The following ORC4 variants were observed in gnomAD, a reference collection of about 807,000 sequenced individuals.
ORC4 encodes the protein origin recognition complex subunit 4.
A neutral mutation model predicts 63.9 loss-of-function variants in ORC4; 55 were observed. That is an observed-to-expected ratio of 0.86 (90% CI 0.69 to 1.08). ORC4 has a LOEUF of 1.08. Among genes scored for constraint, ORC4 ranks in the 50% least tolerant of loss-of-function variants. The probability of loss-of-function intolerance (pLI) is 0.00; values close to 1 mark genes in which losing one functional copy is unlikely to be tolerated. For synonymous variants in ORC4, 150 were observed against 168.5 expected (o/e 0.89, Z 0.85); for missense variants, 511 against 504.4 (o/e 1.01, Z -0.13).
chr2:147,935,795 AG>A, intron 13 of ORC4, 97 bp from the exon 14 acceptor site: 1 of 1,027,676 alleles, frequency 9.7e-7, no homozygotes, highest in East Asian at 2.4e-5. Flanking sequence ...GGTCAGCTGC[AG>A]AACAGAGTAC....
At chr2:148,000,690 C>T (rs758247076) in intron 1 of ORC4, among the ~76,000 whole-genome samples, 18 of 152,078 alleles carry the variant, frequency 1.2e-4, no homozygotes, top group Non-Finnish European at 1.8e-4. Flanking sequence ...CATAAGAATG[C>T]TCTGGGAGAA....
intron 1 of ORC4, among the ~76,000 whole-genome samples, chr2:148,002,498 G>C (rs1692378114): frequency 6.6e-6 from 1 of 152,084 alleles, no homozygotes; most frequent in Admixed American, 6.6e-5. Flanking sequence ...TGAACAACCT[G>C]CTCCTGAATG....
At chr2:147,993,724 G>A (rs1691767940) in intron 1 of ORC4, among the ~76,000 whole-genome samples, 1 of 151,984 alleles carries the variant, frequency 6.6e-6, no homozygotes, top group Admixed American at 6.6e-5. Context: ...AGGGGGTTGG[G>A]GGCTTAAAAA....
At chr2:147,955,663 GA>G (rs1689206352) in intron 6 of ORC4, among the ~76,000 whole-genome samples, 1 of 148,562 alleles carries the variant, frequency 6.7e-6, no homozygotes, top group Non-Finnish European at 1.5e-5. Context: ...AGAAGAAAAA[GA>G]AAAGTAAGAA....
At chr2:148,013,096 G>A (rs191316766) in intron 1 of ORC4, among the ~76,000 whole-genome samples, 35 of 152,178 alleles carry the variant, frequency 2.3e-4, no homozygotes, top group Admixed American at 2.2e-3. Flanking sequence ...ATATACCCAA[G>A]AGAAAGGAAA....
At chr2:147,986,790 T>TACAC (rs70992183) in intron 1 of ORC4, among the ~76,000 whole-genome samples, 32,547 of 148,498 alleles carry the variant, frequency 0.22, 3,629 homozygotes, top group Middle Eastern at 0.35. Flanking sequence ...CACACACACA[T>TACAC]ACACACACAC....
intron 1 of ORC4, among the ~76,000 whole-genome samples, chr2:148,017,944 C>G (rs1002694181): frequency 6.6e-6 from 1 of 152,036 alleles, no homozygotes; most frequent in Non-Finnish European, 1.5e-5. Context: ...GTTTAAACTA[C>G]GTATACAATT....
rs1344549094 is a variant in ORC4 at position 147,949,045 on chromosome 2, C to CTA, written c.589-823_589-822dup. On this transcript the variant is annotated intron_variant, in intron 8 of 13. Transcript: ENST00000392857. ...TTATATTATATATGTATATATACAT[C>CTA]TATATATATACAGTATAGTATAATA... 6.3e-5 allele frequency among the ~76,000 whole-genome samples: 8 copies of CTA among 127,488 alleles called. No homozygotes were observed. The East Asian group carries it at 9.3e-4, about 15-fold the overall frequency. 83.6% of individuals were successfully genotyped at this position (127,488 alleles called of 152,430 possible).
At chr2:147,966,108 A>C (rs913719741) in intron 4 of ORC4, among the ~76,000 whole-genome samples, 2 of 152,124 alleles carry the variant, frequency 1.3e-5, no homozygotes, top group Non-Finnish European at 2.9e-5. Flanking sequence ...GAAATTAGAC[A>C]ACATGCCCAT....
chr2:147,958,426 A>C, intron 5 of ORC4, 43 bp from the exon 6 acceptor site: 1 of 1,404,982 alleles, frequency 7.1e-7, no homozygotes, highest in Non-Finnish European at 1.0e-6. Context: ...AAAATTAAAC[A>C]TGTATTTGAT....
chr2:147,952,501 C>G lies in ORC4; in HGVS notation c.460G>C (p.Val154Leu). 6.2e-7 allele frequency: 1 copy of G among 1,611,262 alleles called. No individual in the cohort carries two copies. The highest frequency in any genetic ancestry group is 2.2e-5 in the East Asian group (1 of 44,802). ...TCAAATTCATCTAATATGAAGATCA[C>G]TGGGCAACTGCTAGTTCGGTCACCT... ...KKGDRTSSCP[V>L]IFILDEFDLF... is the part of the protein sequence containing the mutation. Residue 154 changes from valine to leucine, a missense_variant, in exon 8 of 14, where the codon GTG (valine) becomes CTG (leucine). Coordinates refer to ENST00000392857, the MANE Select transcript of ORC4 (RefSeq NM_181741.4).
intron 9 of ORC4, 166 bp downstream of exon 9, chr2:147,947,885 T>A (rs187641476): frequency 8.6e-4 from 480 of 558,798 alleles, no homozygotes; most frequent in Non-Finnish European, 9.8e-4. Flanking sequence ...ACATTTCAAC[T>A]GTCTAAGAAG....
intron 8 of ORC4, among the ~76,000 whole-genome samples, chr2:147,949,875 A>G (rs2105290911): frequency 6.6e-6 from 1 of 152,266 alleles, no homozygotes; most frequent in Admixed American, 6.5e-5. Flanking sequence ...TGTTATAAAG[A>G]TTTTTAAAAG....
chr2:148,007,493 G>C (rs1436419102), intron 1 of ORC4, among the ~76,000 whole-genome samples: 8 of 152,162 alleles, frequency 5.3e-5, no homozygotes, highest in Non-Finnish European at 1.0e-4. Context: ...AAATTAGTGA[G>C]CTTGAAGACA....
intron 8 of ORC4, among the ~76,000 whole-genome samples, chr2:147,949,374 TACTA>T (rs990919722): frequency 7.9e-5 from 12 of 152,240 alleles, no homozygotes; most frequent in African/African-American, 2.6e-4. Flanking sequence ...ATTCAAAAAT[TACTA>T]AACAGTCAGA....
chr2:147,966,789 C>A (rs1193401364), intron 4 of ORC4, among the ~76,000 whole-genome samples: 2 of 152,058 alleles, frequency 1.3e-5, no homozygotes, highest in African/African-American at 4.8e-5. Context: ...GGAATTAATG[C>A]CAATTCTTCT....
chr2:147,969,708 A>G (rs1690096742), intron 4 of ORC4, among the ~76,000 whole-genome samples: 1 of 151,964 alleles, frequency 6.6e-6, no homozygotes, highest in Non-Finnish European at 1.5e-5. Flanking sequence ...TTGGATATTC[A>G]TTTTTTCTAA....
intron 1 of ORC4, among the ~76,000 whole-genome samples, chr2:147,982,271 C>T (rs1690933490): frequency 6.6e-6 from 1 of 152,058 alleles, no homozygotes; most frequent in Non-Finnish European, 1.5e-5. Flanking sequence ...ACCTTTTTAG[C>T]TAATAAAATA....
At chr2:147,963,290 C>G (rs1265204747) in intron 4 of ORC4, among the ~76,000 whole-genome samples, 1 of 152,138 alleles carries the variant, frequency 6.6e-6, no homozygotes, top group Non-Finnish European at 1.5e-5. Flanking sequence ...TTGGGCCAGT[C>G]GAGCAACCCT....
Sources: gnomAD v4.1 joint callset for allele counts (sites outside exome capture counted in the v4.1 genomes callset) on GRCh38, gnomAD v4.1.1 for gene constraint, MANE v1.5 for transcripts, NCBI Gene and HGNC (gene_info 2026-07-23, HGNC 2026-07-21) for gene names.